The following TOPBP1 variants were observed in gnomAD, a reference collection of about 807,000 sequenced individuals.
The protein encoded by TOPBP1 is DNA topoisomerase 2-binding protein 1.
Under a neutral mutation model 167.7 loss-of-function variants are expected in TOPBP1, and 28 were observed. The observed-to-expected ratio is 0.17, with a 90% confidence interval of 0.12 to 0.23. The LOEUF is 0.23. TOPBP1 is among the 10% of genes least tolerant of loss of function. The pLI, the probability that TOPBP1 is intolerant of heterozygous loss-of-function variation, is 1.00. For missense variants in TOPBP1, 1,554 were observed against 1,809.6 expected, an observed-to-expected ratio of 0.86 and a Z score of 2.56; for synonymous variants, 598 against 611.4, an observed-to-expected ratio of 0.98 and a Z score of 0.32.
intron 27 of TOPBP1, among the ~76,000 whole-genome samples, chr3:133,604,908 G>T (rs1484125736): frequency 6.6e-6 from 1 of 151,632 alleles, no homozygotes; most frequent in Non-Finnish European, 1.5e-5. Flanking sequence ...GACAGAGCAA[G>T]ACTCCATCTA....
At position 133,661,927 on chromosome 3, in the gene TOPBP1, G is replaced by A. The variant is rs1055090059; in HGVS notation, c.-166C>T. On this transcript the variant is annotated 5_prime_UTR_variant, in exon 1 of 28. Transcript: ENST00000260810. ...CGCTGGAGAACCCGGAAATTGCCCA[G>A]AACGGGAACCGACTTTCGCGCCAAC... is the stretch of plus-strand genomic sequence containing the variant. 2 of 152,254 alleles carry A rather than the reference G, an allele frequency of 1.3e-5. No individual in the cohort carries two copies. Among genetic ancestry groups the A allele is most frequent in the African/African-American group, 4.8e-5 (2 of 41,468 alleles). 9.4% of individuals were successfully genotyped at this position (152,254 alleles called of 1,614,324 possible).
chr3:133,616,246 A>G (rs1310727409), intron 23 of TOPBP1, among the ~76,000 whole-genome samples: 1 of 151,576 alleles, frequency 6.6e-6, no homozygotes, highest in Non-Finnish European at 1.5e-5. Context: ...CAGCCTCCTG[A>G]GTAACTAGGA....
intron 12 of TOPBP1, among the ~76,000 whole-genome samples, chr3:133,640,773 G>GA (rs1935867420): frequency 6.6e-6 from 1 of 152,006 alleles, no homozygotes; most frequent in African/African-American, 2.4e-5. Context: ...AGAAGGCACA[G>GA]AAAAAATGAC....
At chr3:133,647,482 A>C (rs1164069453) in intron 10 of TOPBP1, among the ~76,000 whole-genome samples, 1 of 152,208 alleles carries the variant, frequency 6.6e-6, no homozygotes, top group Non-Finnish European at 1.5e-5. Context: ...CACCATAAAC[A>C]ACAGCCAACA....
intron 10 of TOPBP1, among the ~76,000 whole-genome samples, chr3:133,648,832 T>C (rs1220422038): frequency 1.3e-5 from 2 of 152,192 alleles, no homozygotes; most frequent in Non-Finnish European, 2.9e-5. Context: ...GTTCTTGTTT[T>C]ATTCGAGGTA....
chr3:133,661,588 C>A (rs527341621), intron 1 of TOPBP1, among the ~76,000 whole-genome samples, 181 bp downstream of exon 1: 60 of 152,336 alleles, frequency 3.9e-4, no homozygotes, highest in African/African-American at 1.4e-3. Context: ...GTTCCCATCT[C>A]CAGGAAAAGG....
rs747189505 is a variant in TOPBP1 at position 133,639,941 on chromosome 3, C to G, written c.2233+18G>C. ...CTAGTTGTAAATATATATAAAAGAA[C>G]AGAATAAAAGTATTAACCTTCTTTA... On this transcript the variant is annotated intron_variant, in intron 13 of 27. Transcript: ENST00000260810. 5 of 1,607,606 alleles carry G rather than the reference C, an allele frequency of 3.1e-6. No homozygotes were observed. The highest frequency in any genetic ancestry group is 1.3e-5 in the African/African-American group (1 of 74,752).
chr3:133,626,701 C>T (rs1440008765), intron 16 of TOPBP1, among the ~76,000 whole-genome samples: 1 of 152,116 alleles, frequency 6.6e-6, no homozygotes, highest in Non-Finnish European at 1.5e-5. Context: ...ATTAATACTC[C>T]ATTGTTTTCT....
chr3:133,618,995 G>A (rs1934991057), intron 20 of TOPBP1, among the ~76,000 whole-genome samples: 1 of 151,524 alleles, frequency 6.6e-6, no homozygotes. Context: ...ATTTTATGGT[G>A]CGATTGTAAT....
In TOPBP1 at chr3:133,644,068, C is replaced by A. The variant is rs572817914; in HGVS notation, c.1800G>T (p.Gly600=). The A allele has an allele frequency of 6.4e-5, 103 of 1,613,346 alleles. No homozygotes were observed. In the South Asian group the frequency reaches 9.5e-4, roughly 15 times the overall value. Residue 600 remains glycine, a synonymous_variant, in exon 11 of 28, where the codon GGG becomes GGT. Transcript: ENST00000260810. ...CTCCCACAGTGGCTTCCACTTCACA[C>A]CCCAGCAGAGGAACCACAGCATAAT... is the stretch of plus-strand genomic sequence containing the variant. The part of the protein sequence containing the change: ...VADYAVVPLL[G]CEVEATVGEV...
intron 10 of TOPBP1, among the ~76,000 whole-genome samples, chr3:133,648,028 C>T (rs553232177): frequency 2.0e-5 from 3 of 152,104 alleles, no homozygotes; most frequent in Admixed American, 6.6e-5. Context: ...CAGTGAATCT[C>T]AAGCAGGACA....
In TOPBP1 at chr3:133,628,615, C is replaced by T. The variant is rs765802731; in HGVS notation, c.2639G>A (p.Arg880Gln). 2 of 1,609,062 alleles carry T rather than the reference C, an allele frequency of 1.2e-6. No homozygotes were observed. Among genetic ancestry groups the T allele is most frequent in the South Asian group, 2.2e-5 (2 of 89,904 alleles). Reference protein sequence around the residue: ...NLQLALANSSRNAVALSASPQ... With the variant: ...NLQLALANSSQNAVALSASPQ... ...GCTGGCAGAAAGAGCGACAGCATTT[C>T]GAGAGCTATTTGCCAAAGCAAGTTG... The change falls in exon 15 of 28, where the codon CGA (arginine) becomes CAA (glutamine). Residue 880 changes from arginine (R) to glutamine (Q), a missense_variant. Arg to Gln is a conservative substitution (Grantham distance 43). This residue lies in a region of TOPBP1 where 1,197 missense variants were observed against 1,351.5 expected (regional missense o/e 0.89). Transcript: ENST00000260810.
intron 19 of TOPBP1, among the ~76,000 whole-genome samples, chr3:133,622,359 T>C (rs1935122365): frequency 1.3e-5 from 2 of 151,630 alleles, no homozygotes; most frequent in African/African-American, 2.4e-5. Context: ...GCCCGGCTAA[T>C]TTTTTGTATT....
chr3:133,651,191 T>TAAA (rs1398251041), intron 8 of TOPBP1, among the ~76,000 whole-genome samples: 1 of 146,516 alleles, frequency 6.8e-6, no homozygotes, highest in African/African-American at 2.5e-5. Flanking sequence ...TTTTTTTTTT[T>TAAA]TTTTTAAATT....
chr3:133,638,235 T>C, intron 13 of TOPBP1, 73 bp from the exon 14 acceptor site: 5 of 1,373,744 alleles, frequency 3.6e-6, no homozygotes, highest in South Asian at 2.7e-5. Flanking sequence ...CAAGAAGTAA[T>C]ATTTTATACT....
At chr3:133,652,352 G>A in intron 8 of TOPBP1, 111 bp downstream of exon 8, 1 of 1,134,418 alleles carries the variant, frequency 8.8e-7, no homozygotes, top group Non-Finnish European at 1.3e-6. Flanking sequence ...CTAGAGTGGA[G>A]GGTTTACATA....
chr3:133,616,521 T>C (rs754494929), intron 23 of TOPBP1, among the ~76,000 whole-genome samples: 9 of 152,312 alleles, frequency 5.9e-5, no homozygotes, highest in African/African-American at 1.4e-4. Context: ...TGTGGTTTTA[T>C]TTATATAGTA....
chr3:133,624,656 G>A (rs187568577), intron 16 of TOPBP1, among the ~76,000 whole-genome samples: 1 of 152,198 alleles, frequency 6.6e-6, no homozygotes, highest in African/African-American at 2.4e-5. Flanking sequence ...CACTTTTACA[G>A]TAACCATAAA....
In TOPBP1 at chr3:133,610,994, G is replaced by A. The variant is rs746529224; in HGVS notation, c.4173+10C>T. 17 of 1,609,136 alleles carry A rather than the reference G, an allele frequency of 1.1e-5. No individual in the cohort carries two copies. Among genetic ancestry groups the A allele is most frequent in the Non-Finnish European group, 1.4e-5 (17 of 1,177,208 alleles). ...CTATTTGTATTACCTATATAATTGT[G>A]TTTTAATACCTCAACAATGCCAGAT... On this transcript the variant is annotated intron_variant, in intron 25 of 27. Coordinates refer to ENST00000260810, the MANE Select transcript of TOPBP1 (RefSeq NM_007027.4).
Sources: allele counts gnomAD v4.1 joint callset (sites outside exome capture counted in the v4.1 genomes callset), GRCh38; gene constraint gnomAD v4.1.1; regional missense constraint gnomAD v4.1.1; transcripts MANE v1.5; gene names NCBI Gene and HGNC (gene_info 2026-07-23, HGNC 2026-07-21).